CCT6B: variants seen among roughly 807,000 people sequenced by gnomAD.
CCT6B encodes the protein probable T-complex protein 1 subunit zeta-2.
Under a neutral mutation model 61.5 loss-of-function variants are expected in CCT6B, and 49 were observed. The observed-to-expected ratio is 0.80, with a 90% CI of 0.63 to 1.01. The LOEUF (loss-of-function observed/expected upper bound fraction) is 1.01, where lower values mean the gene tolerates loss of function less well. Ranked by LOEUF, CCT6B falls within the 50% of genes least tolerant of loss-of-function variation. The probability of loss-of-function intolerance (pLI) is 0.00; values close to 1 mark genes in which losing one functional copy is unlikely to be tolerated. For missense variants in CCT6B, 666 were observed against 634.7 expected (o/e 1.05, Z -0.53); for synonymous variants, 228 against 214.5 (o/e 1.06, Z -0.55).
At chr17:34,955,106 T>C (rs762975945) in intron 3 of CCT6B, among the ~76,000 whole-genome samples, 7 of 152,180 alleles carry the variant, frequency 4.6e-5, no homozygotes, top group African/African-American at 1.2e-4. Flanking sequence ...ATTGAGGAAA[T>C]AGGCAAATCC....
intron 5 of CCT6B, among the ~76,000 whole-genome samples, chr17:34,951,359 G>A (rs1019177349): frequency 1.3e-5 from 2 of 152,148 alleles, no homozygotes; most frequent in Non-Finnish European, 2.9e-5. Context: ...CTAGGTGGGA[G>A]GGGGAAAGAG....
chr17:34,934,643 T>TA (rs1767706622), intron 10 of CCT6B, among the ~76,000 whole-genome samples: 1 of 152,132 alleles, frequency 6.6e-6, no homozygotes, highest in Non-Finnish European at 1.5e-5. Context: ...CTACGTCTAT[T>TA]AAAAAAATTG....
chr17:34,940,454 A>G (rs1267185140), intron 8 of CCT6B, 85 bp downstream of exon 8: 14 of 737,114 alleles, frequency 1.9e-5, no homozygotes, highest in Non-Finnish European at 3.1e-5. Flanking sequence ...AACAACATTT[A>G]CACATAAGCT....
chr17:34,953,068 C>A (rs961465337), intron 4 of CCT6B, among the ~76,000 whole-genome samples: 1 of 151,724 alleles, frequency 6.6e-6, no homozygotes, highest in Non-Finnish European at 1.5e-5. Context: ...TAAGGAGAAT[C>A]GATCAGAAAC....
At chr17:34,960,083 C>G (rs1049017351) in intron 1 of CCT6B, among the ~76,000 whole-genome samples, 1 of 152,190 alleles carries the variant, frequency 6.6e-6, no homozygotes, top group Non-Finnish European at 1.5e-5. Flanking sequence ...AATCTGCCAC[C>G]TTCTCTCCAT....
chr17:34,943,179 C>T (rs1177042602), intron 5 of CCT6B: 1 of 275,292 alleles, frequency 3.6e-6, no homozygotes, highest in African/African-American at 2.2e-5. Context: ...ACCTCACCCA[C>T]CTCCTTGCAT....
At chr17:34,950,952 G>A (rs1372015586) in intron 5 of CCT6B, among the ~76,000 whole-genome samples, 10 of 150,210 alleles carry the variant, frequency 6.7e-5, no homozygotes, top group African/African-American at 2.2e-4. Flanking sequence ...AGAAGAAGAA[G>A]AAGAAGAAAA....
In CCT6B at chr17:34,955,499, C is replaced by T. The variant is rs538992123; in HGVS notation, c.337-900G>A. Among the ~76,000 whole-genome samples, 579 of 152,022 alleles carry T rather than the reference C, an allele frequency of 3.8e-3. 3 individuals are homozygous for T. Among genetic ancestry groups the T allele is most frequent in the African/African-American group, 0.013 (528 of 41,472 alleles). On this transcript the variant is annotated intron_variant, in intron 3 of 13. Transcript: ENST00000314144. Reference sequence around the variant, plus strand: ...TAAGGAAGAGAACAGGGCAAGCAGGCAATGAGAGAAATGAAAATGCTTGAA... The same window carrying T: ...TAAGGAAGAGAACAGGGCAAGCAGGTAATGAGAGAAATGAAAATGCTTGAA...
intron 12 of CCT6B, among the ~76,000 whole-genome samples, chr17:34,930,267 G>A (rs184310028): frequency 6.6e-6 from 1 of 152,236 alleles, no homozygotes; most frequent in African/African-American, 2.4e-5. Flanking sequence ...GAACGAGACT[G>A]TCTCATAAAT....
At chr17:34,939,132 T>A (rs1344584104) in intron 10 of CCT6B, 51 bp downstream of exon 10, 1 of 1,412,834 alleles carries the variant, frequency 7.1e-7, no homozygotes, top group Admixed American at 1.7e-5. Flanking sequence ...TATATATACA[T>A]ATATACACAC....
At chr17:34,946,091 G>A (rs917522499) in intron 5 of CCT6B, among the ~76,000 whole-genome samples, 12 of 152,210 alleles carry the variant, frequency 7.9e-5, no homozygotes, top group African/African-American at 2.9e-4. Context: ...CCAGAAGGAA[G>A]AGCTAGAAAT....
chr17:34,961,327 T>C lies in CCT6B; in HGVS notation c.67A>G (p.Asn23Asp). The change falls in exon 1 of 14, where the codon AAT becomes GAT. Residue 23 changes from asparagine (N) to aspartate (D), a missense_variant. Transcript: ENST00000314144. ...VARARAALAV[N>D]ICAARGLQDV... ...TGCAGCCCTCGGGCGGCGCATATAT[T>C]GACAGCCAAAGCTGCCCGGGCCCGC... 6.2e-7 allele frequency: 1 copy of C among 1,613,042 alleles called. No individual in the cohort carries two copies. The highest frequency in any genetic ancestry group is 8.5e-7 in the Non-Finnish European group (1 of 1,179,960).
chr17:34,958,732 G>A (rs1415420280), intron 2 of CCT6B, 38 bp from the exon 3 acceptor site: 5 of 1,534,258 alleles, frequency 3.3e-6, no homozygotes, highest in East Asian at 2.4e-5. Context: ...AAGACAGGAT[G>A]AGATAAGGAA....
intron 5 of CCT6B, among the ~76,000 whole-genome samples, chr17:34,948,021 T>A (rs1242111012): frequency 1.3e-5 from 2 of 151,592 alleles, no homozygotes; most frequent in African/African-American, 4.8e-5. Context: ...GTAGAAAGTA[T>A]AAAACAAGAT....
Position 34,952,024 on chromosome 17 carries a change from T to C in CCT6B, c.540A>G (p.Arg180=). 6.2e-7 allele frequency: 1 copy of C among 1,609,252 alleles called. No homozygotes were observed. Among genetic ancestry groups the C allele is most frequent in the Non-Finnish European group, 8.5e-7 (1 of 1,176,366 alleles). Residue 180 remains arginine, a synonymous_variant, in exon 5 of 14, where the codon AGA becomes AGG. Coordinates refer to ENST00000314144, the MANE Select transcript of CCT6B (RefSeq NM_006584.4). The part of the protein sequence containing the change: ...EVVVDSVLAV[R]RPGYPIDLFM... ...AGAGATCAATAGGGTAACCTGGTCT[T>C]CTAACAGCCAAAACAGAATCCACCA...
At chr17:34,951,750 TTC>T (rs1198059185) in intron 5 of CCT6B, among the ~76,000 whole-genome samples, 198 bp downstream of exon 5, 3 of 152,214 alleles carry the variant, frequency 2.0e-5, no homozygotes, top group Non-Finnish European at 4.4e-5. Context: ...ATGATTTTTT[TTC>T]TATTTCAATT....
At chr17:34,945,799 A>C (rs775457076) in intron 5 of CCT6B, among the ~76,000 whole-genome samples, 43 of 152,232 alleles carry the variant, frequency 2.8e-4, no homozygotes, top group Non-Finnish European at 4.6e-4. Context: ...AAAGCAAAAA[A>C]ACCTTAGCAA....
Position 34,947,250 on chromosome 17 carries a change from CAG to C in CCT6B, c.615-4346_615-4345del, listed in dbSNP as rs746319694. ...GGGATGAACAAAAGAAATGTTTAAA[CAG>C]ATAATGGATGGAAATTTTCCAGAAT... On this transcript the variant is annotated intron_variant, in intron 5 of 13. Transcript: ENST00000314144. Among the ~76,000 whole-genome samples the C allele has an allele frequency of 3.9e-4, 59 of 152,056 alleles. 1 individual carries two copies. Among genetic ancestry groups the C allele is most frequent in the Non-Finnish European group, 7.1e-4 (48 of 67,994 alleles).
In CCT6B at chr17:34,954,604, T is replaced by G. The variant is rs1167757012; in HGVS notation, c.337-5A>C. On this transcript the variant is annotated splice_region_variant and splice_polypyrimidine_tract_variant and intron_variant, in intron 3 of 13. Coordinates refer to ENST00000314144, the MANE Select transcript of CCT6B (RefSeq NM_006584.4). ...TATTATTCTAGGGTGCAGGCCCTGT[T>G]ACATCAACATAAAATTATAAATTAT... The G allele has an allele frequency of 6.3e-7, 1 of 1,586,732 alleles. No individual in the cohort carries two copies. Among genetic ancestry groups the G allele is most frequent in the Non-Finnish European group, 8.5e-7 (1 of 1,170,976 alleles).
Sources: allele counts gnomAD v4.1 joint callset (sites outside exome capture counted in the v4.1 genomes callset), GRCh38; gene constraint gnomAD v4.1.1; transcripts MANE v1.5; gene names NCBI Gene and HGNC (gene_info 2026-07-23, HGNC 2026-07-21).